Variants in EPHB1 observed in about 807,000 individuals in gnomAD.
EPHB1 encodes the protein EPH receptor B1.
EPHB1 carries 30 observed loss-of-function variants against 94.4 expected under a neutral mutation model. The ratio of observed to expected loss-of-function variants is 0.32; its 90% CI spans 0.24 to 0.43. EPHB1 has a LOEUF of 0.43. EPHB1 is among the 20% of genes least tolerant of loss of function. The pLI is 1.00. For synonymous variants in EPHB1, 522 were observed against 489.1 expected, an observed-to-expected ratio of 1.07 and a Z score of -0.89; for missense variants, 1,055 against 1,308.3, an observed-to-expected ratio of 0.81 and a Z score of 2.99.
chr3:135,057,507 CT>C (rs1937381807), intron 3 of EPHB1, among the ~76,000 whole-genome samples: 2 of 152,288 alleles, frequency 1.3e-5, no homozygotes, highest in South Asian at 4.2e-4. Flanking sequence ...GTGATGCTCA[CT>C]GATGTCCACT....
In EPHB1 at chr3:134,951,486, G is replaced by A. The variant is rs559321367; in HGVS notation, c.239G>A (p.Arg80Gln). 4.2e-5 allele frequency: 67 copies of A among 1,610,710 alleles called. No individual in the cohort carries two copies. The highest frequency in any genetic ancestry group is 5.2e-5 in the Non-Finnish European group (61 of 1,178,488). Residue 80 changes from arginine to glutamine, a missense_variant, in exon 3 of 16, where the codon CGG becomes CAG. Transcript: ENST00000398015. This position sits in a 1 kb window ranked among gnomAD's most constrained non-coding sequence, Gnocchi z 4.5. ...CTGCTCACCACCTTCATCAACCGGC[G>A]GGGGGCCCATCGCATCTACACAGAG... ...NWLLTTFINR[R>Q]GAHRIYTEMR...
chr3:134,882,762 CTTCCT>C (rs1560280455), intron 1 of EPHB1, among the ~76,000 whole-genome samples: 25 of 32,558 alleles, frequency 7.7e-4, no homozygotes, highest in East Asian at 3.5e-3. Flanking sequence ...TTCTTCCTTC[CTTCCT>C]TTCTTTCTTT....
At chr3:135,196,445 G>C (rs561823401) in intron 11 of EPHB1, among the ~76,000 whole-genome samples, 1 of 152,094 alleles carries the variant, frequency 6.6e-6, no homozygotes. Context: ...GGAGTGGTGG[G>C]AGCAGGCAGT....
chr3:134,832,964 C>A (rs916631692), intron 1 of EPHB1, among the ~76,000 whole-genome samples: 1 of 152,206 alleles, frequency 6.6e-6, no homozygotes, highest in Non-Finnish European at 1.5e-5. Flanking sequence ...TAGGTCTTAG[C>A]AATGACCAGT....
chr3:134,994,333 TC>T (rs1329490962), intron 3 of EPHB1, among the ~76,000 whole-genome samples: 1 of 152,198 alleles, frequency 6.6e-6, no homozygotes, highest in Non-Finnish European at 1.5e-5. Context: ...GGGCATCCCC[TC>T]TCCCTGTCTG....
chr3:135,048,259 C>CTTTTTTTTTTTTTTTTTTTTTT (rs34135757), intron 3 of EPHB1, among the ~76,000 whole-genome samples: 87 of 55,216 alleles, frequency 1.6e-3, no homozygotes, highest in Non-Finnish European at 1.7e-3. Flanking sequence ...TTTCTTTTTT[C>CTTTTTTTTTTTTTTTTTTTTTT]TTTTTTTTTT....
chr3:134,897,341 G>A (rs141752551), intron 1 of EPHB1, among the ~76,000 whole-genome samples: 19 of 152,262 alleles, frequency 1.2e-4, no homozygotes, highest in African/African-American at 4.6e-4. Context: ...CAGGGGTGAG[G>A]GAGGGTGGGG....
At chr3:135,027,333 A>G (rs1171900531) in intron 3 of EPHB1, among the ~76,000 whole-genome samples, 1 of 148,372 alleles carries the variant, frequency 6.7e-6, no homozygotes, top group Non-Finnish European at 1.5e-5. Flanking sequence ...CCCATTCAGT[A>G]TGATATTGGC....
In EPHB1 at chr3:135,181,096, C is replaced by G. The variant is rs972999377; in HGVS notation, c.1882+1114C>G. ...TCACCATCTTTCTGTTCACTGCTCT[C>G]TTAATGCACTCAGGGGTCAAAAAGC... On this transcript the variant is annotated intron_variant, in intron 10 of 15. Coordinates refer to ENST00000398015, the MANE Select transcript of EPHB1 (RefSeq NM_004441.5). Among the ~76,000 whole-genome samples the G allele has an allele frequency of 3.3e-5, 5 of 152,326 alleles. No homozygotes were observed. In the East Asian group the frequency reaches 9.6e-4, roughly 29 times the overall value.
intron 5 of EPHB1, among the ~76,000 whole-genome samples, chr3:135,153,284 G>A (rs1941249546): frequency 6.6e-6 from 1 of 152,180 alleles, no homozygotes; most frequent in African/African-American, 2.4e-5. Flanking sequence ...AACAGCCCCT[G>A]AGCAGAGCAC....
chr3:135,095,120 C>A (rs1254600030), intron 3 of EPHB1, among the ~76,000 whole-genome samples: 1 of 152,142 alleles, frequency 6.6e-6, no homozygotes, highest in Non-Finnish European at 1.5e-5. Flanking sequence ...AATATTCCCC[C>A]CAAAGTTATA....
chr3:135,206,529 T>G (rs1160200266), intron 12 of EPHB1, among the ~76,000 whole-genome samples: 1 of 152,200 alleles, frequency 6.6e-6, no homozygotes, highest in Non-Finnish European at 1.5e-5. Flanking sequence ...TTCCTGTCTG[T>G]ATTCTGATTA....
intron 4 of EPHB1, among the ~76,000 whole-genome samples, chr3:135,119,229 A>T (rs2107805097): frequency 6.6e-6 from 1 of 152,262 alleles, no homozygotes; most frequent in African/African-American, 2.4e-5. Flanking sequence ...GATGACAATT[A>T]ATTATATGTG....
chr3:135,158,520 T>C (rs971764567), intron 6 of EPHB1, among the ~76,000 whole-genome samples: 12 of 152,152 alleles, frequency 7.9e-5, no homozygotes, highest in South Asian at 2.1e-4. Flanking sequence ...TTGTAACCCC[T>C]GAAAATCTTC....
intron 2 of EPHB1, among the ~76,000 whole-genome samples, chr3:134,940,780 A>G (rs2039099578): frequency 2.0e-5 from 3 of 152,144 alleles, no homozygotes; most frequent in African/African-American, 7.2e-5. Context: ...TTGTTTGTTC[A>G]TGCTTTGGTT....
intron 4 of EPHB1, among the ~76,000 whole-genome samples, chr3:135,120,262 T>C (rs1453800040): frequency 6.6e-6 from 1 of 152,268 alleles, no homozygotes. Context: ...ATTCAAGTCT[T>C]CTTTTACGTT....
At chr3:135,140,575 G>C (rs1283328655) in intron 5 of EPHB1, among the ~76,000 whole-genome samples, 3 of 152,166 alleles carry the variant, frequency 2.0e-5, no homozygotes, top group African/African-American at 7.2e-5. Flanking sequence ...TTTGGGTGGG[G>C]AGCTGTGATT....
chr3:135,160,050 C>T (rs1941463847), intron 6 of EPHB1, among the ~76,000 whole-genome samples: 1 of 152,166 alleles, frequency 6.6e-6, no homozygotes, highest in East Asian at 1.9e-4. Flanking sequence ...TGCTGTGCCC[C>T]CACAATCCCC....
chr3:135,194,871 G>T (rs1942556550), intron 11 of EPHB1, among the ~76,000 whole-genome samples: 1 of 152,186 alleles, frequency 6.6e-6, no homozygotes, highest in South Asian at 2.1e-4. Flanking sequence ...TTGACTAAAA[G>T]ATTATTTCTC....
Sources: allele counts gnomAD v4.1 joint callset (sites outside exome capture counted in the v4.1 genomes callset), GRCh38; gene constraint gnomAD v4.1.1; non-coding constraint Gnocchi (gnomAD v3.1); transcripts MANE v1.5; gene names NCBI Gene and HGNC (gene_info 2026-07-23, HGNC 2026-07-21).